The following MICU3 variants were observed in gnomAD, a reference collection of about 807,000 sequenced individuals.
MICU3 encodes mitochondrial calcium uptake 3, also known as calcium uptake protein 3, mitochondrial.
Under a neutral mutation model 66.5 loss-of-function variants are expected in MICU3, and 62 were observed. The observed-to-expected ratio is 0.93, with a 90% CI of 0.76 to 1.15. The LOEUF (loss-of-function observed/expected upper bound fraction) is 1.15, where lower values mean the gene tolerates loss of function less well. Ranked by LOEUF, MICU3 falls within the 50% of genes most tolerant of loss-of-function variation. MICU3 has a pLI of 0.00. For synonymous variants in MICU3, 308 were observed against 240.7 expected (o/e 1.28, Z -2.59); for missense variants, 779 against 664.4 (o/e 1.17, Z -1.90).
At chr8:17,084,288 T>C (rs1334638278) in intron 5 of MICU3, among the ~76,000 whole-genome samples, 1 of 152,128 alleles carries the variant, frequency 6.6e-6, no homozygotes, top group Non-Finnish European at 1.5e-5. Context: ...AGAGATGTTG[T>C]AAATTTGTAT....
At chr8:17,083,426 C>G (rs1312456784) in intron 5 of MICU3, among the ~76,000 whole-genome samples, 2 of 152,016 alleles carry the variant, frequency 1.3e-5, no homozygotes, top group African/African-American at 4.8e-5. Context: ...GCAATCTAGT[C>G]CCCAGGCAAG....
downstream of MICU3, among the ~76,000 whole-genome samples, chr8:17,126,998 TATGTGTATTATTTAGG>T (rs1803421115): frequency 6.6e-6 from 1 of 152,316 alleles, no homozygotes; most frequent in African/African-American, 2.4e-5. Flanking sequence ...GCATTTCCTA[TATGTGTATTATTTAGG>T]AATGAAGCAA....
downstream of MICU3, among the ~76,000 whole-genome samples, chr8:17,126,252 T>A (rs1158384603): frequency 6.6e-6 from 1 of 152,124 alleles, no homozygotes; most frequent in Admixed American, 6.5e-5. Context: ...GGGGTGAGTC[T>A]GCCACTTTCA....
intron 12 of MICU3, among the ~76,000 whole-genome samples, chr8:17,115,426 G>T (rs1563399166): frequency 1.3e-5 from 2 of 152,160 alleles, no homozygotes; most frequent in Non-Finnish European, 2.9e-5. Flanking sequence ...TCATCAACGT[G>T]CAAAGAAACA....
intron 1 of MICU3, among the ~76,000 whole-genome samples, chr8:17,061,779 T>C (rs573388073): frequency 6.6e-6 from 1 of 152,230 alleles, no homozygotes; most frequent in African/African-American, 2.4e-5. Flanking sequence ...GAAGAAACCC[T>C]GAGATATGTA....
rs756828221 is a variant in MICU3, at chr8:17,104,387, T to C, written c.985-4T>C. On this transcript the variant is annotated splice_polypyrimidine_tract_variant and splice_region_variant and intron_variant, in intron 9 of 14. Transcript: ENST00000318063. ...TAACTTTTAAATTGTGATTTTTTTT[T>C]AAGCGTGCTGATGACATCACAAGTT... 7.4e-7 allele frequency: 1 copy of C among 1,354,960 alleles called. No homozygotes were observed. The highest frequency in any genetic ancestry group is 9.7e-7 in the Non-Finnish European group (1 of 1,031,556). The allele number at this position is 1,354,960 out of a possible 1,614,324, so 83.9% of individuals were successfully genotyped here. A position where few individuals can be genotyped will look rare whatever the true frequency, so the allele number is the denominator to read the frequency against.
chr8:17,069,613 T>C, intron 2 of MICU3, 75 bp from the exon 3 acceptor site: 1 of 918,596 alleles, frequency 1.1e-6, no homozygotes, highest in South Asian at 1.8e-5. Context: ...GTTATGGTTG[T>C]AGATGGTTAG....
At chr8:17,102,960 T>C (rs778092754) in intron 9 of MICU3, among the ~76,000 whole-genome samples, 7 of 151,982 alleles carry the variant, frequency 4.6e-5, no homozygotes, top group Non-Finnish European at 1.0e-4. Flanking sequence ...ATCTAAACTA[T>C]ATTACTTAAA....
intron 12 of MICU3, among the ~76,000 whole-genome samples, chr8:17,115,138 C>T (rs201310538): frequency 4.1e-5 from 6 of 148,096 alleles, no homozygotes; most frequent in Non-Finnish European, 8.9e-5. Flanking sequence ...AAAAAAACCC[C>T]AGAGGACAGG....
intron 1 of MICU3, among the ~76,000 whole-genome samples, chr8:17,039,328 T>C (rs913836269): frequency 6.6e-6 from 1 of 152,210 alleles, no homozygotes; most frequent in African/African-American, 2.4e-5. Context: ...GAAGTATGCC[T>C]GTAAATGGAG....
rs775199984 is a variant in MICU3, at chr8:17,114,092, G to C, written c.1258-1G>C. On this transcript the variant is annotated splice_acceptor_variant, in intron 11 of 14. Transcript: ENST00000318063. LOFTEE classifies it high-confidence loss of function. Reference sequence around the variant, plus strand: ...TATTTTCATTTCCTTTCCCAATATAGGGCATCACATTTGATGAATTCAGGT... The same window carrying C: ...TATTTTCATTTCCTTTCCCAATATACGGCATCACATTTGATGAATTCAGGT... The C allele has an allele frequency of 6.3e-7, 1 of 1,595,570 alleles. No homozygotes were observed. The highest frequency in any genetic ancestry group is 1.3e-5 in the African/African-American group (1 of 74,292).
chr8:17,117,541 T>A (rs1802800899), intron 13 of MICU3, among the ~76,000 whole-genome samples: 1 of 152,004 alleles, frequency 6.6e-6, no homozygotes, highest in Non-Finnish European at 1.5e-5. Flanking sequence ...AGAAAAAATG[T>A]TCTGTTAAAA....
chr8:17,119,542 T>C (rs144523883), intron 14 of MICU3, among the ~76,000 whole-genome samples: 3,032 of 143,536 alleles, frequency 0.021, 131 homozygotes, highest in African/African-American at 0.076. Context: ...CATAGATAGA[T>C]AGATAGATAG....
chr8:17,028,222 C>G (rs796808257), intron 1 of MICU3, among the ~76,000 whole-genome samples: 9 of 152,240 alleles, frequency 5.9e-5, no homozygotes, highest in African/African-American at 2.2e-4. Context: ...AAAAATTGTT[C>G]AAAAAGAGAC....
Position 17,054,474 on chromosome 8 carries a change from T to C in MICU3, c.382-9610T>C, listed in dbSNP as rs572037080. 1.1e-3 allele frequency among the ~76,000 whole-genome samples: 165 copies of C among 152,292 alleles called. 3 individuals carry two copies. The South Asian group carries it at 0.033, about 30-fold the overall frequency. ...ATTTTTGGTTATTTTTGTTACATACTTTGAGTATAGCAATCTGCCACCAAG... is the reference window on the plus strand; with the variant it reads ...ATTTTTGGTTATTTTTGTTACATACCTTGAGTATAGCAATCTGCCACCAAG... On this transcript the variant is annotated intron_variant, in intron 1 of 14. Transcript: ENST00000318063.
chr8:17,062,904 A>C (rs1049554255), intron 1 of MICU3, among the ~76,000 whole-genome samples: 1 of 151,994 alleles, frequency 6.6e-6, no homozygotes, highest in African/African-American at 2.4e-5. Flanking sequence ...ACTTATCCTG[A>C]AGAACTGTTA....
intron 4 of MICU3, among the ~76,000 whole-genome samples, chr8:17,079,970 T>A (rs1820935146): frequency 1.3e-5 from 2 of 152,176 alleles, no homozygotes; most frequent in Non-Finnish European, 2.9e-5. Flanking sequence ...CATGTAATGC[T>A]TTTAAGGAAC....
intron 3 of MICU3, among the ~76,000 whole-genome samples, chr8:17,076,543 C>T (rs1235459819): frequency 6.6e-6 from 1 of 152,166 alleles, no homozygotes; most frequent in Non-Finnish European, 1.5e-5. Flanking sequence ...CAAGAATCCA[C>T]ATATGGGCTT....
At position 17,104,483 on chromosome 8, in the gene MICU3, T is replaced by G; in HGVS notation, c.1077T>G (p.Asp359Glu). 3 of 1,421,638 alleles carry G rather than the reference T, an allele frequency of 2.1e-6. No individual in the cohort carries two copies. The highest frequency in any genetic ancestry group is 1.9e-6 in the Non-Finnish European group (2 of 1,057,862). The allele number at this position is 1,421,638 out of a possible 1,614,324, so 88.1% of individuals were successfully genotyped here. A position where few individuals can be genotyped will look rare whatever the true frequency, so the allele number is the denominator to read the frequency against. Residue 359 changes from aspartate to glutamate, a missense_variant, in exon 10 of 15, where the codon GAT (aspartate) becomes GAG (glutamate). Asp to Glu is a conservative substitution (Grantham distance 45). Transcript: ENST00000318063. ...GAAAAGCTGAGCTCAACTTTGAAGATTTTTATAGGTGAGCTTATTTTTATA... is the reference window on the plus strand; with the variant it reads ...GAAAAGCTGAGCTCAACTTTGAAGAGTTTTATAGGTGAGCTTATTTTTATA... ...KKGKAELNFE[D>E]FYRFMDNLQT...
Sources: gnomAD v4.1 joint callset for allele counts (sites outside exome capture counted in the v4.1 genomes callset) on GRCh38, gnomAD v4.1.1 for gene constraint, MANE v1.5 for transcripts, NCBI Gene and HGNC (gene_info 2026-07-23, HGNC 2026-07-21) for gene names.